The following RIT2 variants were observed in gnomAD, a reference collection of about 807,000 sequenced individuals.
The protein encoded by RIT2 is Ras like without CAAX 2, also known as GTP-binding protein Rit2.
RIT2 carries 24 observed loss-of-function variants against 23.7 expected under a neutral mutation model. The ratio of observed to expected loss-of-function variants is 1.01; its 90% CI spans 0.73 to 1.43. The LOEUF (loss-of-function observed/expected upper bound fraction) is 1.43, where lower values mean the gene tolerates loss of function less well. Among genes scored for constraint, RIT2 ranks in the 40% most tolerant of loss-of-function variants. The pLI is 0.00. For missense variants in RIT2, 236 were observed against 266.9 expected (o/e 0.88, Z 0.81); for synonymous variants, 107 against 91.1 (o/e 1.17, Z -0.99).
chr18:43,094,223 A>G (rs902476791), intron 1 of RIT2, among the ~76,000 whole-genome samples: 2 of 151,662 alleles, frequency 1.3e-5, no homozygotes, highest in Non-Finnish European at 2.9e-5. Flanking sequence ...GAGAAATTAA[A>G]TAATTATTTC....
At chr18:43,043,000 A>T (rs1912163715) in intron 1 of RIT2, among the ~76,000 whole-genome samples, 1 of 152,204 alleles carries the variant, frequency 6.6e-6, no homozygotes, top group Non-Finnish European at 1.5e-5. Context: ...TATAGTTTAT[A>T]AAAAAGATAA....
chr18:42,860,876 A>G (rs1306446064), intron 4 of RIT2, among the ~76,000 whole-genome samples: 1 of 152,174 alleles, frequency 6.6e-6, no homozygotes, highest in Non-Finnish European at 1.5e-5. Context: ...TACCCTTTGT[A>G]TGAGGGAAAA....
chr18:42,880,031 A>G (rs755895497), intron 4 of RIT2, among the ~76,000 whole-genome samples: 2 of 152,136 alleles, frequency 1.3e-5, no homozygotes, highest in Non-Finnish European at 2.9e-5. Context: ...TGTTCACTTA[A>G]TTTCTCTCTG....
intron 2 of RIT2, among the ~76,000 whole-genome samples, chr18:43,029,596 G>A (rs1911808093): frequency 6.6e-6 from 1 of 151,948 alleles, no homozygotes; most frequent in African/African-American, 2.4e-5. Flanking sequence ...CTCTAGACAA[G>A]GAGATATGAT....
intron 3 of RIT2, among the ~76,000 whole-genome samples, chr18:42,952,062 A>G (rs1278977203): frequency 1.3e-5 from 2 of 152,136 alleles, no homozygotes; most frequent in African/African-American, 4.8e-5. Flanking sequence ...CAGCATGGGA[A>G]AGACCCACCC....
At chr18:42,817,627 A>G (rs1185579127) in intron 4 of RIT2, among the ~76,000 whole-genome samples, 2 of 152,110 alleles carry the variant, frequency 1.3e-5, no homozygotes, top group Non-Finnish European at 2.9e-5. Context: ...GCTTATCTTT[A>G]AATGGAGATT....
intron 3 of RIT2, among the ~76,000 whole-genome samples, chr18:42,956,641 A>T (rs1039454695): frequency 1.2e-4 from 18 of 152,314 alleles, no homozygotes; most frequent in African/African-American, 4.3e-4. Flanking sequence ...TTTAAGGAGC[A>T]GTACCATCAA....
At chr18:42,852,799 T>TC (rs1568013019) in intron 4 of RIT2, among the ~76,000 whole-genome samples, 13 of 125,894 alleles carry the variant, frequency 1.0e-4, no homozygotes, top group East Asian at 5.0e-4. Context: ...CTCCCTCTCT[T>TC]CCTCCCTCCC....
At chr18:42,846,106 C>T (rs889719070) in intron 4 of RIT2, among the ~76,000 whole-genome samples, 8 of 151,774 alleles carry the variant, frequency 5.3e-5, no homozygotes, top group Non-Finnish European at 7.4e-5. Context: ...TAAAAAACAG[C>T]GATTTAGTTG....
intron 1 of RIT2, among the ~76,000 whole-genome samples, chr18:43,086,903 C>G (rs1000679440): frequency 6.6e-6 from 1 of 152,138 alleles, no homozygotes; most frequent in Non-Finnish European, 1.5e-5. Context: ...AGGACAGTGA[C>G]TATGTCACGT....
intron 4 of RIT2, among the ~76,000 whole-genome samples, chr18:42,757,337 T>C (rs900311637): frequency 2.6e-5 from 4 of 152,080 alleles, no homozygotes; most frequent in Non-Finnish European, 2.9e-5. Flanking sequence ...GAAGACCGGG[T>C]CATCATGCCT....
chr18:42,865,362 A>G (rs1264186560), intron 4 of RIT2, among the ~76,000 whole-genome samples: 1 of 152,192 alleles, frequency 6.6e-6, no homozygotes, highest in African/African-American at 2.4e-5. Flanking sequence ...TTACCAGCAC[A>G]GATAGATTGA....
chr18:42,894,923 C>G (rs1367454741), intron 4 of RIT2, among the ~76,000 whole-genome samples: 1 of 152,170 alleles, frequency 6.6e-6, no homozygotes, highest in Non-Finnish European at 1.5e-5. Context: ...TTTGCCCCTC[C>G]AGGTAAATAT....
Position 42,867,630 on chromosome 18 carries a change from T to TA in RIT2, c.426+55941dup, listed in dbSNP as rs113291312. On this transcript the variant is annotated intron_variant, in intron 4 of 4. Transcript: ENST00000326695. Reference sequence around the variant, plus strand: ...ACGAGGCCCTATTTCTGCCAAAAATTAAAAAAAAAAAAAAATAGCCGAGTG... The same window carrying TA: ...ACGAGGCCCTATTTCTGCCAAAAATTAAAAAAAAAAAAAAAATAGCCGAGTG... Among the ~76,000 whole-genome samples, 331 of 143,034 alleles carry TA rather than the reference T, an allele frequency of 2.3e-3. 1 individual carries two copies. The highest frequency in any genetic ancestry group is 5.5e-3 in the African/African-American group (215 of 38,964). The allele number at this position is 143,034 out of a possible 152,430, so 93.8% of individuals were successfully genotyped here.
chr18:42,995,358 C>T (rs551771733), intron 2 of RIT2, among the ~76,000 whole-genome samples: 101 of 152,154 alleles, frequency 6.6e-4, no homozygotes, highest in African/African-American at 2.2e-3. Flanking sequence ...TGCCCTGAGT[C>T]AGATAACTAA....
At chr18:43,090,910 T>C (rs1387675396) in intron 1 of RIT2, among the ~76,000 whole-genome samples, 1 of 151,706 alleles carries the variant, frequency 6.6e-6, no homozygotes, top group Non-Finnish European at 1.5e-5. Context: ...TCAGAAAAAA[T>C]AATGAATGGG....
intron 4 of RIT2, among the ~76,000 whole-genome samples, chr18:42,856,250 T>C (rs921821446): frequency 2.0e-5 from 3 of 152,242 alleles, no homozygotes; most frequent in Non-Finnish European, 2.9e-5. Flanking sequence ...ATTAGACCTT[T>C]GTTCAGGAGA....
chr18:43,077,572 G>A (rs1913055423), intron 1 of RIT2, among the ~76,000 whole-genome samples: 1 of 152,166 alleles, frequency 6.6e-6, no homozygotes, highest in South Asian at 2.1e-4. Context: ...GTAACACCAG[G>A]AGACTCCAGT....
At chr18:42,794,354 G>A (rs890364432) in intron 4 of RIT2, among the ~76,000 whole-genome samples, 2 of 152,168 alleles carry the variant, frequency 1.3e-5, no homozygotes, top group African/African-American at 2.4e-5. Context: ...CATTTTTAAA[G>A]TAGGCAATAT....
Sources: gnomAD v4.1 joint callset for allele counts (sites outside exome capture counted in the v4.1 genomes callset) on GRCh38, gnomAD v4.1.1 for gene constraint, MANE v1.5 for transcripts, NCBI Gene and HGNC (gene_info 2026-07-23, HGNC 2026-07-21) for gene names.